The following DSG2 variants were observed in gnomAD, a reference collection of about 807,000 sequenced individuals.
DSG2 encodes desmoglein-2.
Under a neutral mutation model 75.6 loss-of-function variants are expected in DSG2, and 45 were observed. The observed-to-expected ratio is 0.60, with a 90% CI of 0.47 to 0.76. DSG2 has a LOEUF of 0.76. Among genes scored for constraint, DSG2 ranks in the 30% least tolerant of loss-of-function variants. The probability of loss-of-function intolerance (pLI) is 0.00; values close to 1 mark genes in which losing one functional copy is unlikely to be tolerated. For missense variants in DSG2, 1,267 were observed against 1,357.4 expected (o/e 0.93, Z 1.05); for synonymous variants, 429 against 483.9 (o/e 0.89, Z 1.49).
Position 31,524,546 on chromosome 18 carries a change from G to A in DSG2, c.789G>A (p.Leu263=), listed in dbSNP as rs1389678806. The change falls in exon 7 of 15, where the codon TTG becomes TTA. Residue 263 remains leucine (L), a synonymous_variant. Transcript: ENST00000261590. The stretch of plus-strand genomic sequence containing the variant: ...AAGCTCAAGTTCAGATTCGTATTTT[G>A]GATGTCAATGACAATATACCTGTAG... ...VKQAQVQIRI[L]DVNDNIPVVE... The A allele has an allele frequency of 1.2e-6, 2 of 1,613,864 alleles. No homozygotes were observed. Among genetic ancestry groups the A allele is most frequent in the African/African-American group, 2.7e-5 (2 of 74,896 alleles).
intron 1 of DSG2, among the ~76,000 whole-genome samples, chr18:31,499,371 T>C (rs73956136): frequency 0.41 from 62,176 of 151,372 alleles, 13,492 homozygotes; most frequent in African/African-American, 0.57. Flanking sequence ...TGTGTGTGTG[T>C]GTGTGTGTGT....
chr18:31,530,668 C>G (rs1397702173), intron 8 of DSG2, among the ~76,000 whole-genome samples: 1 of 152,162 alleles, frequency 6.6e-6, no homozygotes, highest in East Asian at 1.9e-4. Context: ...ATCTACCTGC[C>G]TTGGCTTCCC....
In DSG2 at chr18:31,518,281, A is replaced by G. The variant is rs763204534; in HGVS notation, c.81+7A>G. 4 of 1,611,736 alleles carry G rather than the reference A, an allele frequency of 2.5e-6. No individual in the cohort carries two copies. In the Admixed American group the frequency reaches 5.0e-5, roughly 20 times the overall value. ...AAGTGGACTTCACTTACAGGTGAGG[A>G]AACAAAGGGATTATTTCTGCCTTCT... On this transcript the variant is annotated splice_region_variant and intron_variant, in intron 2 of 14. Coordinates refer to ENST00000261590, the MANE Select transcript of DSG2 (RefSeq NM_001943.5).
chr18:31,518,251 G>A lies in DSG2; in HGVS notation c.58G>A (p.Val20Ile), dbSNP rs746192055. The stretch of plus-strand genomic sequence containing the variant: ...TTTTATTTTACAGATCTGCTTTAAC[G>A]TTGGAAGTGGACTTCACTTACAGGT... The part of the protein sequence containing the change: ...ALLLLLICFN[V>I]GSGLHLQVLS... Residue 20 changes from valine to isoleucine, a missense_variant, in exon 2 of 15, where the codon GTT (valine) becomes ATT (isoleucine). Val to Ile is a conservative substitution (Grantham distance 29). Coordinates refer to ENST00000261590, the MANE Select transcript of DSG2 (RefSeq NM_001943.5). 1.2e-5 allele frequency: 20 copies of A among 1,612,966 alleles called. No individual in the cohort carries two copies. The East Asian group carries it at 1.3e-4, about 11-fold the overall frequency.
chr18:31,505,474 A>G (rs1466406891), intron 1 of DSG2, among the ~76,000 whole-genome samples: 2 of 152,190 alleles, frequency 1.3e-5, no homozygotes, highest in Non-Finnish European at 2.9e-5. Flanking sequence ...AAGCTTCTTC[A>G]GAGCAAGATC....
intron 1 of DSG2, among the ~76,000 whole-genome samples, chr18:31,504,978 C>T (rs956560718): frequency 6.6e-6 from 1 of 152,152 alleles, no homozygotes; most frequent in African/African-American, 2.4e-5. Flanking sequence ...CTCATTCCAT[C>T]TCCCTGACTT....
chr18:31,523,258 G>A (rs1014621048), intron 6 of DSG2, among the ~76,000 whole-genome samples: 1 of 152,092 alleles, frequency 6.6e-6, no homozygotes, highest in Non-Finnish European at 1.5e-5. Context: ...AAAATTAGCT[G>A]GGTGTGGTGG....
Position 31,519,791 on chromosome 18 carries a change from C to T in DSG2, c.82-12C>T, listed in dbSNP as rs1301893978. On this transcript the variant is annotated splice_polypyrimidine_tract_variant and intron_variant, in intron 2 of 14. Coordinates refer to ENST00000261590, the MANE Select transcript of DSG2 (RefSeq NM_001943.5). Reference sequence around the variant, plus strand: ...ACACATAATAAATTTTGGCAATATTCTATTGTTATAGGTCTTAAGCACAAG... The same window carrying T: ...ACACATAATAAATTTTGGCAATATTTTATTGTTATAGGTCTTAAGCACAAG... 2 of 1,613,564 alleles carry T rather than the reference C, an allele frequency of 1.2e-6. No homozygotes were observed. Among genetic ancestry groups the T allele is most frequent in the Non-Finnish European group, 1.7e-6 (2 of 1,179,496 alleles).
Position 31,521,192 on chromosome 18 carries a change from G to T in DSG2, c.472G>T (p.Val158Leu). Reference protein sequence around the residue: ...KVLDINDNEPVFTQDVFVGSV... With the variant: ...KVLDINDNEPLFTQDVFVGSV... ...TCTTGATATCAATGACAACGAACCA[G>T]TGTTCACACAGGATGTCTTTGTTGG... The change falls in exon 5 of 15, where the codon GTG becomes TTG. Residue 158 changes from valine to leucine, a missense_variant. Coordinates refer to ENST00000261590, the MANE Select transcript of DSG2 (RefSeq NM_001943.5). The T allele has an allele frequency of 6.2e-7, 1 of 1,613,476 alleles. No individual in the cohort carries two copies. The highest frequency in any genetic ancestry group is 8.5e-7 in the Non-Finnish European group (1 of 1,179,844).
intron 1 of DSG2, among the ~76,000 whole-genome samples, chr18:31,504,847 CGTT>C (rs923251435): frequency 6.6e-6 from 1 of 152,176 alleles, no homozygotes; most frequent in Non-Finnish European, 1.5e-5. Flanking sequence ...AGACTGAAAA[CGTT>C]GGCACCCTCT....
At chr18:31,528,449 C>T (rs888946642) in intron 8 of DSG2, among the ~76,000 whole-genome samples, 10 of 152,076 alleles carry the variant, frequency 6.6e-5, no homozygotes, top group Non-Finnish European at 1.2e-4. Context: ...CGGTGGCTCC[C>T]GCCTGTAATC....
Position 31,533,991 on chromosome 18 carries a change from C to CTTT in DSG2, c.1281-1264_1281-1262dup, listed in dbSNP as rs55789239. On this transcript the variant is annotated intron_variant, in intron 9 of 14. Transcript: ENST00000261590. ...CTAATTACATACATTTCTTTTTTTTCTTTTTTTTTTTTTTTTTGAGACTGA... is the reference window on the plus strand; with the variant it reads ...CTAATTACATACATTTCTTTTTTTTCTTTTTTTTTTTTTTTTTTTTGAGACTGA... Among the ~76,000 whole-genome samples, 302 of 125,932 alleles carry CTTT rather than the reference C, an allele frequency of 2.4e-3. 4 individuals are homozygous for CTTT. Among genetic ancestry groups the CTTT allele is most frequent in the African/African-American group, 6.2e-3 (207 of 33,342 alleles). The allele number at this position is 125,932 out of a possible 152,430, so 82.6% of individuals were successfully genotyped here.
chr18:31,502,229 T>G (rs1020943645), intron 1 of DSG2, among the ~76,000 whole-genome samples: 2 of 152,324 alleles, frequency 1.3e-5, no homozygotes, highest in East Asian at 3.9e-4. Context: ...GCTAATATTC[T>G]GTGGTGTGTG....
intron 9 of DSG2, among the ~76,000 whole-genome samples, chr18:31,534,533 T>C (rs7244098): frequency 0.28 from 35,219 of 127,042 alleles, 4,933 homozygotes; most frequent in East Asian, 0.46. Flanking sequence ...TTTTTTGAGA[T>C]GGAGTTTTGC....
intron 12 of DSG2, among the ~76,000 whole-genome samples, chr18:31,539,867 G>C (rs1285846699): frequency 6.6e-6 from 1 of 152,140 alleles, no homozygotes; most frequent in African/African-American, 2.4e-5. Flanking sequence ...GTTACCACCT[G>C]AGCTCTACCT....
At chr18:31,503,186 C>T (rs531927704) in intron 1 of DSG2, among the ~76,000 whole-genome samples, 24 of 152,220 alleles carry the variant, frequency 1.6e-4, no homozygotes, top group Admixed American at 1.2e-3. Flanking sequence ...ACATGTTCTG[C>T]CCTCATGGTG....
At chr18:31,528,908 G>A (rs1481892302) in intron 8 of DSG2, among the ~76,000 whole-genome samples, 1 of 152,026 alleles carries the variant, frequency 6.6e-6, no homozygotes, top group Non-Finnish European at 1.5e-5. Flanking sequence ...ACTTTTGGGG[G>A]TGATGGAGTG....
chr18:31,519,313 T>C (rs1445057146), intron 2 of DSG2, among the ~76,000 whole-genome samples: 1 of 152,130 alleles, frequency 6.6e-6, no homozygotes, highest in East Asian at 1.9e-4. Context: ...TCCCAGCACT[T>C]TGGGAGACTG....
chr18:31,499,286 A>C (rs575575504), intron 1 of DSG2, among the ~76,000 whole-genome samples: 1 of 152,250 alleles, frequency 6.6e-6, no homozygotes, highest in South Asian at 2.1e-4. Context: ...TACATTCACT[A>C]TATTCAAAGT....
Sources: gnomAD v4.1 joint callset for allele counts (sites outside exome capture counted in the v4.1 genomes callset) on GRCh38, gnomAD v4.1.1 for gene constraint, MANE v1.5 for transcripts, NCBI Gene and HGNC (gene_info 2026-07-23, HGNC 2026-07-21) for gene names.